SLC6A14: variants seen among roughly 807,000 people sequenced by gnomAD.
SLC6A14 encodes the protein sodium- and chloride-dependent neutral and basic amino acid transporter B(0+).
A neutral mutation model predicts 51.4 loss-of-function variants in SLC6A14; 21 were observed. The ratio of observed to expected loss-of-function variants is 0.41; its 90% CI spans 0.29 to 0.59. The LOEUF (loss-of-function observed/expected upper bound fraction) is 0.59. SLC6A14 is among the 20% of genes least tolerant of loss of function. The pLI, the probability that SLC6A14 is intolerant of heterozygous loss-of-function variation, is 0.31. For synonymous variants in SLC6A14, 177 were observed against 160.7 expected, an observed-to-expected ratio of 1.10 and a Z score of -0.77; for missense variants, 371 against 472.8, an observed-to-expected ratio of 0.78 and a Z score of 2.00.
intron 6 of SLC6A14, 43 bp from the exon 7 acceptor site, chrX:116,446,698 T>C (rs1450718366): frequency 6.5e-6 from 7 of 1,069,247 alleles, no homozygotes; most frequent in Non-Finnish European, 9.1e-6. Flanking sequence ...TACACCATGA[T>C]TTTAAAAATA....
At chrX:116,455,622 A>G (rs1556694751) in intron 12 of SLC6A14, among the ~76,000 whole-genome samples, 156 bp downstream of exon 12, 1 of 112,522 alleles carries the variant, frequency 8.9e-6, no homozygotes, top group African/African-American at 3.2e-5. Context: ...AGTTGCCTAA[A>G]TTAAAATGCC....
intron 13 of SLC6A14, 73 bp from the exon 14 acceptor site, chrX:116,458,736 G>T: frequency 4.2e-6 from 4 of 951,518 alleles, no homozygotes; most frequent in Non-Finnish European, 5.6e-6. Flanking sequence ...GGAAAGTACA[G>T]TTCAATATTT....
intron 2 of SLC6A14, among the ~76,000 whole-genome samples, chrX:116,440,660 A>G (rs782234331): frequency 1.9e-4 from 21 of 111,493 alleles, no homozygotes; most frequent in Non-Finnish European, 3.0e-4. Context: ...CAGGATTTCA[A>G]CCTAGGTTTA....
At position 116,459,104 on chromosome X, in the gene SLC6A14, T is replaced by C. The variant is rs915872815; in HGVS notation, c.*149T>C. The C allele has an allele frequency of 1.6e-5, 7 of 426,961 alleles. No individual in the cohort carries two copies. Among genetic ancestry groups the C allele is most frequent in the Non-Finnish European group, 2.7e-5 (7 of 260,499 alleles). 35.2% of individuals were successfully genotyped at this position (426,961 alleles called of 1,213,427 possible). A position where few individuals can be genotyped will look rare whatever the true frequency, so the allele number is the denominator to read the frequency against. Reference sequence around the variant, plus strand: ...TTTTCACATTTAAGCAGGAATGCAATATAAAAATGTGAATCTCTTAATTCT... The same window carrying C: ...TTTTCACATTTAAGCAGGAATGCAACATAAAAATGTGAATCTCTTAATTCT... On this transcript the variant is annotated 3_prime_UTR_variant, in exon 14 of 14. Coordinates refer to ENST00000598581, the MANE Select transcript of SLC6A14 (RefSeq NM_007231.5).
chrX:116,457,516 T>A (rs1927956475), intron 12 of SLC6A14, 93 bp from the exon 13 acceptor site: 2 of 653,694 alleles, frequency 3.1e-6, no homozygotes, highest in African/African-American at 4.5e-5. Flanking sequence ...CTATTTTTGA[T>A]AAATCACATC....
intron 4 of SLC6A14, 65 bp from the exon 5 acceptor site, chrX:116,443,578 T>A: frequency 1.2e-6 from 1 of 801,997 alleles, no homozygotes; most frequent in Non-Finnish European, 1.7e-6. Context: ...ATTAAAACAT[T>A]TTCTAGGAAA....
intron 2 of SLC6A14, among the ~76,000 whole-genome samples, chrX:116,439,156 G>A (rs1482614292): frequency 9.0e-6 from 1 of 111,108 alleles, no homozygotes; most frequent in Non-Finnish European, 1.9e-5. Context: ...TCATACATAG[G>A]CCCAGTAATT....
At chrX:116,450,192 A>G (rs1407894392) in intron 7 of SLC6A14, among the ~76,000 whole-genome samples, 1 of 111,681 alleles carries the variant, frequency 9.0e-6, no homozygotes, top group Non-Finnish European at 1.9e-5. Flanking sequence ...CAAAGGACAC[A>G]ATGTTAAAAG....
intron 3 of SLC6A14, among the ~76,000 whole-genome samples, chrX:116,442,018 C>T (rs1459156110): frequency 2.7e-5 from 3 of 110,846 alleles, no homozygotes; most frequent in African/African-American, 6.6e-5. Context: ...TAAAGAATGT[C>T]GACTTTGCAT....
At chrX:116,442,907 G>T (rs1315873474) in intron 4 of SLC6A14, 59 bp downstream of exon 4, 1 of 869,856 alleles carries the variant, frequency 1.1e-6, no homozygotes, top group African/African-American at 2.1e-5. Context: ...AGCTTGAAGG[G>T]TCAAATCATT....
chrX:116,450,153 G>GT (rs1927795069), intron 7 of SLC6A14, among the ~76,000 whole-genome samples: 1 of 111,300 alleles, frequency 9.0e-6, no homozygotes. Context: ...TTCAGCTACA[G>GT]TAAACCAACA....
In SLC6A14 at chrX:116,442,946, T is replaced by C. The variant is rs1927629970; in HGVS notation, c.508+98T>C. 5.2e-6 allele frequency: 3 copies of C among 572,536 alleles called. No individual in the cohort carries two copies. The South Asian group carries it at 1.1e-4, about 20-fold the overall frequency. 47.2% of individuals were successfully genotyped at this position (572,536 alleles called of 1,213,427 possible). ...TAAGCAACTTAGGTACAATTTTAAA[T>C]GTTCCAAAGGTCACTGGTGAAAGCA... On this transcript the variant is annotated intron_variant, in intron 4 of 13. Coordinates refer to ENST00000598581, the MANE Select transcript of SLC6A14 (RefSeq NM_007231.5).
At chrX:116,445,110 A>T in intron 6 of SLC6A14, 60 bp downstream of exon 6, 1 of 1,039,096 alleles carries the variant, frequency 9.6e-7, no homozygotes, top group East Asian at 3.2e-5. Flanking sequence ...TGGTAGTTCA[A>T]TATCAAGCAT....
chrX:116,437,694 C>T, intron 1 of SLC6A14, 96 bp from the exon 2 acceptor site: 1 of 850,258 alleles, frequency 1.2e-6, no homozygotes, highest in Non-Finnish European at 1.7e-6. Context: ...GGGTTTCTTC[C>T]CCCCATTTTC....
chrX:116,446,887 T>A lies in SLC6A14; in HGVS notation c.930+6T>A. 2 of 1,195,326 alleles carry A rather than the reference T, an allele frequency of 1.7e-6. No homozygotes were observed. Among genetic ancestry groups the A allele is most frequent in the South Asian group, 3.6e-5 (2 of 55,480 alleles). ...CAAAACTTAAGGAAGCTGAGGTGAG[T>A]CTTAATTTGGATTTCAAATTATCTG... On this transcript the variant is annotated splice_donor_region_variant and intron_variant, in intron 7 of 13. Transcript: ENST00000598581.
chrX:116,437,969 C>CGGGCG lies in SLC6A14; in HGVS notation c.214+14_214+15insGGGCG. On this transcript the variant is annotated intron_variant, in intron 2 of 13. Coordinates refer to ENST00000598581, the MANE Select transcript of SLC6A14 (RefSeq NM_007231.5). ...GCAATGGTGGAGGTATTCTATTTCA[C>CGGGCG]CCCCACCCTCCCACCCCCGCTTTTC... The CGGGCG allele has an allele frequency of 1.8e-6, 2 of 1,096,542 alleles. No individual in the cohort carries two copies. The highest frequency in any genetic ancestry group is 2.4e-6 in the Non-Finnish European group (2 of 820,856). The allele number at this position is 1,096,542 out of a possible 1,213,427, so 90.4% of individuals were successfully genotyped here.
At position 116,457,650 on chromosome X, in the gene SLC6A14, T is replaced by C; in HGVS notation, c.1656T>C (p.Asn552=). 8.3e-7 allele frequency: 1 copy of C among 1,208,791 alleles called. No individual in the cohort carries two copies. The highest frequency in any genetic ancestry group is 1.1e-6 in the Non-Finnish European group (1 of 893,163). ...CATTGGTGCAATTTCATAGACCTAA[T>C]TATGGCGCAATTCCATACCCTGACT... ...IWSLVQFHRP[N]YGAIPYPDWG... Residue 552 remains asparagine, a synonymous_variant, in exon 13 of 14, where the codon AAT becomes AAC. Transcript: ENST00000598581.
At position 116,437,968 on chromosome X, in the gene SLC6A14, A is replaced by ACGGGGGCCCCC; in HGVS notation, c.214+14_214+15insGGGGGCCCCCC. 8.9e-7 allele frequency: 1 copy of ACGGGGGCCCCC among 1,122,179 alleles called. No homozygotes were observed. The highest frequency in any genetic ancestry group is 1.2e-6 in the Non-Finnish European group (1 of 840,399). The allele number at this position is 1,122,179 out of a possible 1,213,427, so 92.5% of individuals were successfully genotyped here. On this transcript the variant is annotated intron_variant, in intron 2 of 13. Coordinates refer to ENST00000598581, the MANE Select transcript of SLC6A14 (RefSeq NM_007231.5). The stretch of plus-strand genomic sequence containing the variant: ...AGCAATGGTGGAGGTATTCTATTTC[A>ACGGGGGCCCCC]CCCCCACCCTCCCACCCCCGCTTTT...
chrX:116,450,485 G>A (rs1927801579), intron 7 of SLC6A14, among the ~76,000 whole-genome samples: 2 of 111,686 alleles, frequency 1.8e-5, no homozygotes, highest in African/African-American at 3.3e-5. Flanking sequence ...TTTAGTAGAA[G>A]GGAGGAATAC....
Sources: gnomAD v4.1 joint callset for allele counts (sites outside exome capture counted in the v4.1 genomes callset) on GRCh38, gnomAD v4.1.1 for gene constraint, MANE v1.5 for transcripts, NCBI Gene and HGNC (gene_info 2026-07-23, HGNC 2026-07-21) for gene names.